The following WDR43 variants were observed in gnomAD, a reference collection of about 807,000 sequenced individuals.
WDR43 encodes the protein WD repeat domain 43.
Under a neutral mutation model 91.4 loss-of-function variants are expected in WDR43, and 13 were observed. The observed-to-expected ratio is 0.14, with a 90% CI of 0.09 to 0.23. The LOEUF (loss-of-function observed/expected upper bound fraction) is 0.23, where lower values mean the gene tolerates loss of function less well. Ranked by LOEUF, WDR43 falls within the 10% of genes least tolerant of loss-of-function variation. The probability of loss-of-function intolerance (pLI) is 1.00; values close to 1 mark genes in which losing one functional copy is unlikely to be tolerated. For synonymous variants in WDR43, 331 were observed against 287.9 expected (o/e 1.15, Z -1.51); for missense variants, 780 against 809.4 (o/e 0.96, Z 0.44).
At chr2:28,922,887 A>G in intron 6 of WDR43, 32 bp from the exon 7 acceptor site, 2 of 1,595,832 alleles carry the variant, frequency 1.3e-6, no homozygotes, top group South Asian at 2.2e-5. Context: ...TATGTTATCC[A>G]TTATAATACG....
intron 11 of WDR43, among the ~76,000 whole-genome samples, chr2:28,930,771 C>G (rs1003680176): frequency 6.6e-6 from 1 of 152,050 alleles, no homozygotes; most frequent in Non-Finnish European, 1.5e-5. Context: ...AGAAACAGTT[C>G]AAAACATTTA....
intron 12 of WDR43, among the ~76,000 whole-genome samples, chr2:28,936,400 A>T (rs1187203915): frequency 6.6e-6 from 1 of 152,184 alleles, no homozygotes; most frequent in Non-Finnish European, 1.5e-5. Flanking sequence ...TGGTAAGGGA[A>T]AACTCTGTAC....
intron 1 of WDR43, among the ~76,000 whole-genome samples, chr2:28,898,238 C>A (rs1670517197): frequency 6.6e-6 from 1 of 152,216 alleles, no homozygotes; most frequent in Admixed American, 6.5e-5. Flanking sequence ...TGACCCTATA[C>A]AGCTTAGTAC....
intron 10 of WDR43, chr2:28,927,915 G>C: frequency 1.5e-6 from 1 of 656,440 alleles, no homozygotes; most frequent in Non-Finnish European, 2.3e-6. Flanking sequence ...TAACTAAAGA[G>C]GGTGCTGTTT....
At chr2:28,941,306 G>T (rs965333581) in intron 14 of WDR43, among the ~76,000 whole-genome samples, 155 bp from the exon 15 acceptor site, 1 of 152,130 alleles carries the variant, frequency 6.6e-6, no homozygotes, top group African/African-American at 2.4e-5. Flanking sequence ...TCGTGATGTT[G>T]TTAGGCTATG....
chr2:28,895,871 G>A (rs1670471287), intron 1 of WDR43: 1 of 152,186 alleles, frequency 6.6e-6, no homozygotes, highest in African/African-American at 2.4e-5. Context: ...GGTGTGTGAT[G>A]TGAGCTGTTT....
intron 1 of WDR43, among the ~76,000 whole-genome samples, chr2:28,901,002 G>T (rs553628384): frequency 2.0e-5 from 3 of 152,284 alleles, no homozygotes; most frequent in African/African-American, 4.8e-5. Flanking sequence ...GTTGTCATTG[G>T]TTTTTCTTGA....
chr2:28,931,273 G>A (rs1397712951), intron 11 of WDR43, among the ~76,000 whole-genome samples: 2 of 151,974 alleles, frequency 1.3e-5, no homozygotes, highest in Admixed American at 6.5e-5. Context: ...GTAGAGATGG[G>A]GTTTCACCAT....
chr2:28,916,612 C>T (rs191735901), intron 5 of WDR43, among the ~76,000 whole-genome samples: 37 of 152,120 alleles, frequency 2.4e-4, no homozygotes, highest in Admixed American at 2.1e-3. Context: ...CCTATAACCC[C>T]GAACACCTAC....
chr2:28,927,512 A>T (rs1671163741), intron 9 of WDR43, 57 bp from the exon 10 acceptor site: 1 of 1,585,008 alleles, frequency 6.3e-7, no homozygotes, highest in Non-Finnish European at 8.6e-7. Context: ...CATTGAGGAT[A>T]CTTAAGGACT....
At chr2:28,905,647 T>G (rs1306638802) in intron 2 of WDR43, among the ~76,000 whole-genome samples, 3 of 151,648 alleles carry the variant, frequency 2.0e-5, no homozygotes, top group African/African-American at 7.3e-5. Flanking sequence ...TTCTAGCTGT[T>G]TATCTCTCTC....
chr2:28,902,194 A>C (rs1670589802), intron 2 of WDR43, 70 bp downstream of exon 2: 17 of 1,480,786 alleles, frequency 1.1e-5, no homozygotes, highest in Non-Finnish European at 1.3e-5. Context: ...TATTAAAAAA[A>C]AAACACTTCA....
intron 16 of WDR43, among the ~76,000 whole-genome samples, chr2:28,946,146 G>C (rs1671538705): frequency 6.6e-6 from 1 of 152,082 alleles, no homozygotes; most frequent in Admixed American, 6.5e-5. Context: ...GATCGGCCTG[G>C]GCAACATGGT....
At chr2:28,921,512 T>C (rs114548065) in intron 6 of WDR43, among the ~76,000 whole-genome samples, 1 of 152,224 alleles carries the variant, frequency 6.6e-6, no homozygotes, top group Non-Finnish European at 1.5e-5. Flanking sequence ...AAGATTGTAG[T>C]TAACAGCAGT....
At chr2:28,944,046 C>G (rs900341969) in intron 16 of WDR43, among the ~76,000 whole-genome samples, 12 of 152,094 alleles carry the variant, frequency 7.9e-5, no homozygotes, top group African/African-American at 2.7e-4. Flanking sequence ...GTGGGGATGC[C>G]CAGAACTCTT....
Position 28,942,353 on chromosome 2 carries a change from A to G in WDR43, c.1776A>G (p.Gly592=). ...AGACAAAGGGAGCAACTTCCCCTGG[A>G]CAGAAGGCAAAGTTGGTGTATGAAG... The part of the protein sequence containing the change: ...SEKTKGATSP[G]QKAKLVYEEE... The change falls in exon 16 of 18, where the codon GGA becomes GGG. Residue 592 remains glycine (G), a synonymous_variant. Coordinates refer to ENST00000407426, the MANE Select transcript of WDR43 (RefSeq NM_015131.3). The G allele has an allele frequency of 6.2e-7, 1 of 1,613,592 alleles. No homozygotes were observed. The highest frequency in any genetic ancestry group is 8.5e-7 in the Non-Finnish European group (1 of 1,179,698).
At chr2:28,897,513 G>A (rs946671066) in intron 1 of WDR43, among the ~76,000 whole-genome samples, 1 of 152,162 alleles carries the variant, frequency 6.6e-6, no homozygotes, top group African/African-American at 2.4e-5. Context: ...ATTAGGCAAT[G>A]TATGTGACTG....
intron 1 of WDR43, among the ~76,000 whole-genome samples, chr2:28,896,694 A>T (rs1026692444): frequency 1.3e-5 from 2 of 152,228 alleles, no homozygotes; most frequent in African/African-American, 4.8e-5. Context: ...TATGCCCAAG[A>T]GAAATTTCCT....
intron 6 of WDR43, among the ~76,000 whole-genome samples, chr2:28,921,648 G>A (rs1402685257): frequency 6.6e-6 from 1 of 152,194 alleles, no homozygotes; most frequent in Non-Finnish European, 1.5e-5. Flanking sequence ...ATGCCTGTCA[G>A]TTGGAGTTGC....
Sources: allele counts gnomAD v4.1 joint callset (sites outside exome capture counted in the v4.1 genomes callset), GRCh38; gene constraint gnomAD v4.1.1; transcripts MANE v1.5; gene names NCBI Gene and HGNC (gene_info 2026-07-23, HGNC 2026-07-21).